TMEM68: variants seen among roughly 807,000 people sequenced by gnomAD.
TMEM68 encodes the protein transmembrane protein 68.
Under a neutral mutation model 36.9 loss-of-function variants are expected in TMEM68, and 25 were observed. The ratio of observed to expected loss-of-function variants is 0.68; its 90% CI spans 0.49 to 0.95. TMEM68 has a LOEUF of 0.95. Among genes scored for constraint, TMEM68 ranks in the 40% least tolerant of loss-of-function variants. TMEM68 has a pLI of 0.00. For synonymous variants in TMEM68, 131 were observed against 124.4 expected (o/e 1.05, Z -0.35); for missense variants, 333 against 392.0 (o/e 0.85, Z 1.27).
chr8:55,770,543 C>T (rs1355076634), intron 1 of TMEM68, among the ~76,000 whole-genome samples: 2 of 152,044 alleles, frequency 1.3e-5, no homozygotes, highest in African/African-American at 4.8e-5. Context: ...CATGGTGGCA[C>T]GTTCCTGTAA....
chr8:55,748,968 G>C (rs6995712), intron 5 of TMEM68, among the ~76,000 whole-genome samples: 2 of 151,706 alleles, frequency 1.3e-5, no homozygotes, highest in African/African-American at 4.9e-5. Flanking sequence ...GAGACATTGT[G>C]AAAGTTACTT....
At chr8:55,755,116 T>G (rs1247390453) in intron 4 of TMEM68, among the ~76,000 whole-genome samples, 2 of 150,396 alleles carry the variant, frequency 1.3e-5, no homozygotes, top group East Asian at 1.9e-4. Flanking sequence ...CTGGGCAACA[T>G]AGCAAGACCC....
intron 1 of TMEM68, among the ~76,000 whole-genome samples, chr8:55,768,540 C>T (rs1811047134): frequency 6.6e-6 from 1 of 151,786 alleles, no homozygotes; most frequent in Non-Finnish European, 1.5e-5. Flanking sequence ...ATAGTAAAAA[C>T]TCATCTCTAA....
rs1198264493 is a variant in TMEM68, at chr8:55,762,949, T to C, written c.11A>G (p.Lys4Arg). Residue 4 changes from lysine to arginine, a missense_variant, in exon 3 of 8, where the codon AAA becomes AGA. By Grantham distance (26) the Lys-to-Arg change is conservative. Coordinates refer to ENST00000434581, the MANE Select transcript of TMEM68 (RefSeq NM_001286657.2). MID[K>R]NQTCGVGQDS... Reference sequence around the variant, plus strand: ...CTGTCCTACACCACAGGTTTGATTTTTGTCTATCATTTTTCTTCAGGTGAA... The same window carrying C: ...CTGTCCTACACCACAGGTTTGATTTCTGTCTATCATTTTTCTTCAGGTGAA... 6.4e-7 allele frequency: 1 copy of C among 1,574,714 alleles called. No homozygotes were observed. Among genetic ancestry groups the C allele is most frequent in the East Asian group, 2.3e-5 (1 of 44,332 alleles).
At chr8:55,766,471 G>C (rs904457179) in intron 1 of TMEM68, among the ~76,000 whole-genome samples, 6 of 151,176 alleles carry the variant, frequency 4.0e-5, no homozygotes, top group African/African-American at 1.2e-4. Flanking sequence ...CCGCCTCCCG[G>C]GTTCACACCA....
intron 4 of TMEM68, among the ~76,000 whole-genome samples, chr8:55,755,625 T>G (rs912119561): frequency 6.6e-6 from 1 of 151,362 alleles, no homozygotes; most frequent in African/African-American, 2.4e-5. Flanking sequence ...TAATTTGCTA[T>G]CAAACTGAGA....
intron 3 of TMEM68, chr8:55,761,341 T>G (rs983246728): frequency 2.6e-5 from 4 of 152,244 alleles, no homozygotes; most frequent in Non-Finnish European, 5.9e-5. Context: ...GTGCTTCTGC[T>G]CACATGGTTG....
intron 7 of TMEM68, 143 bp downstream of exon 7, chr8:55,743,338 T>A (rs760576356): frequency 4.6e-6 from 5 of 1,081,978 alleles, no homozygotes; most frequent in Non-Finnish European, 6.3e-6. Context: ...TAGCAAATGT[T>A]CCCTAGGGTA....
chr8:55,765,569 T>G (rs1810939365), intron 1 of TMEM68, among the ~76,000 whole-genome samples: 1 of 152,240 alleles, frequency 6.6e-6, no homozygotes, highest in East Asian at 1.9e-4. Flanking sequence ...ATCGCTATCA[T>G]TCATAGAATC....
chr8:55,753,055 TATA>T (rs1810466757), intron 4 of TMEM68, among the ~76,000 whole-genome samples: 1 of 152,158 alleles, frequency 6.6e-6, no homozygotes, highest in Middle Eastern at 3.4e-3. Flanking sequence ...TGCTGAGAAT[TATA>T]ATGATTTTAT....
intron 3 of TMEM68, chr8:55,760,742 G>A (rs915918408): frequency 6.6e-6 from 1 of 152,190 alleles, no homozygotes; most frequent in Non-Finnish European, 1.5e-5. Context: ...TGTGATTCTA[G>A]TATGAAATAA....
chr8:55,764,250 T>C (rs1430616445), intron 1 of TMEM68, among the ~76,000 whole-genome samples: 1 of 152,214 alleles, frequency 6.6e-6, no homozygotes, highest in Non-Finnish European at 1.5e-5. Context: ...TTCAAAAGCT[T>C]TGTTTCTTAG....
chr8:55,753,444 TTC>T (rs766999995), intron 4 of TMEM68, among the ~76,000 whole-genome samples: 1 of 152,220 alleles, frequency 6.6e-6, no homozygotes, highest in African/African-American at 2.4e-5. Flanking sequence ...TATAATGATG[TTC>T]TGTTTTTTAG....
At chr8:55,764,450 T>C (rs1810902482) in intron 1 of TMEM68, among the ~76,000 whole-genome samples, 1 of 152,232 alleles carries the variant, frequency 6.6e-6, no homozygotes. Context: ...TTCCATACTA[T>C]ATAATCTTAC....
rs1000703839 is a variant in TMEM68, at chr8:55,762,535, T to C, written c.325+100A>G. 5.7e-6 allele frequency: 9 copies of C among 1,570,124 alleles called. No individual in the cohort carries two copies. In the South Asian group the frequency reaches 7.2e-5, roughly 13 times the overall value. ...GGAATAGTAAATATCACTTCTATTATATTTTTCAGTATCTTCTCAATCAAT... is the reference window on the plus strand; with the variant it reads ...GGAATAGTAAATATCACTTCTATTACATTTTTCAGTATCTTCTCAATCAAT... On this transcript the variant is annotated intron_variant, in intron 3 of 7. Coordinates refer to ENST00000434581, the MANE Select transcript of TMEM68 (RefSeq NM_001286657.2).
Position 55,762,951 on chromosome 8 carries a change from G to A in TMEM68, c.9C>T (p.Asp3=), listed in dbSNP as rs770275986. 1.3e-5 allele frequency: 20 copies of A among 1,571,280 alleles called. No individual in the cohort carries two copies. Among genetic ancestry groups the A allele is most frequent in the Admixed American group, 3.9e-5 (2 of 50,986 alleles). ...GTCCTACACCACAGGTTTGATTTTTGTCTATCATTTTTCTTCAGGTGAAAA... is the reference window on the plus strand; with the variant it reads ...GTCCTACACCACAGGTTTGATTTTTATCTATCATTTTTCTTCAGGTGAAAA... MI[D]KNQTCGVGQD... Residue 3 remains aspartate (D), a synonymous_variant, in exon 3 of 8, where the codon GAC becomes GAT. Coordinates refer to ENST00000434581, the MANE Select transcript of TMEM68 (RefSeq NM_001286657.2).
rs1259484600 is a variant in TMEM68 at position 55,740,021 on chromosome 8, A to G, written c.*111T>C. ...TCTGTGAAAGATGCTTATTAACATG[A>G]TTTTTTTAAAAAATACTAATTATAG... On this transcript the variant is annotated 3_prime_UTR_variant, in exon 8 of 8. Coordinates refer to ENST00000434581, the MANE Select transcript of TMEM68 (RefSeq NM_001286657.2). 2.5e-6 allele frequency: 2 copies of G among 786,398 alleles called. No individual in the cohort carries two copies. Among genetic ancestry groups the G allele is most frequent in the Non-Finnish European group, 3.8e-6 (2 of 520,290 alleles). The allele number at this position is 786,398 out of a possible 1,614,324, so 48.7% of individuals were successfully genotyped here.
Position 55,762,674 on chromosome 8 carries a change from C to T in TMEM68, c.286G>A (p.Val96Met), listed in dbSNP as rs148142954. ...GCATGTCCATCCCACAGAGTTGCCA[C>T]TGTTTTCCTTGCACCATCCCATAAA... The part of the protein sequence containing the change: ...HNLWDGARKT[V>M]ATLWDGHAAV... The change falls in exon 3 of 8, where the codon GTG becomes ATG. Residue 96 changes from valine (V) to methionine (M), a missense_variant. By Grantham distance (21) the Val-to-Met change is conservative (BLOSUM62 1). Transcript: ENST00000434581. 4,322 of 1,614,210 alleles carry T rather than the reference C, an allele frequency of 2.7e-3. 7 individuals are homozygous for T. The highest frequency in any genetic ancestry group is 3.3e-3 in the Non-Finnish European group (3,854 of 1,180,036).
intron 6 of TMEM68, among the ~76,000 whole-genome samples, chr8:55,744,340 C>T (rs1189940890): frequency 7.2e-6 from 1 of 139,058 alleles, no homozygotes; most frequent in African/African-American, 3.0e-5. Context: ...GAGTCTCGCT[C>T]TGTCGCCCAG....
Sources: gnomAD v4.1 joint callset for allele counts (sites outside exome capture counted in the v4.1 genomes callset) on GRCh38, gnomAD v4.1.1 for gene constraint, MANE v1.5 for transcripts, NCBI Gene and HGNC (gene_info 2026-07-23, HGNC 2026-07-21) for gene names.